Variants in SGCZ observed in about 807,000 individuals in gnomAD.
The protein encoded by SGCZ is zeta-sarcoglycan.
In SGCZ, 40 loss-of-function variants were observed where a neutral mutation model predicts 41.3. That is an observed-to-expected ratio of 0.97 (90% CI 0.75 to 1.26). The LOEUF (loss-of-function observed/expected upper bound fraction) is 1.26. Ranked by LOEUF, SGCZ falls within the 50% of genes most tolerant of loss-of-function variation. The pLI, the probability that SGCZ is intolerant of heterozygous loss-of-function variation, is 0.00. For synonymous variants in SGCZ, 206 were observed against 137.5 expected (o/e 1.50, Z -3.49); for missense variants, 552 against 369.8 (o/e 1.49, Z -4.04).
chr8:15,000,425 T>C (rs1259344784), intron 1 of SGCZ, among the ~76,000 whole-genome samples: 3 of 152,112 alleles, frequency 2.0e-5, no homozygotes, highest in Non-Finnish European at 2.9e-5. Flanking sequence ...GTTATGCGAG[T>C]CCTACATAAG....
intron 1 of SGCZ, among the ~76,000 whole-genome samples, chr8:14,681,961 A>G (rs944032537): frequency 2.9e-4 from 44 of 152,016 alleles, no homozygotes; most frequent in Admixed American, 1.9e-3. Context: ...TAAATAATCC[A>G]TAATAATAAT....
intron 1 of SGCZ, among the ~76,000 whole-genome samples, chr8:14,659,358 G>A (rs1000189992): frequency 6.6e-6 from 1 of 152,054 alleles, no homozygotes; most frequent in Non-Finnish European, 1.5e-5. Context: ...CCATAAGCAT[G>A]TACAATTATT....
At chr8:15,049,634 G>A (rs1257234440) in intron 1 of SGCZ, among the ~76,000 whole-genome samples, 2 of 152,142 alleles carry the variant, frequency 1.3e-5, no homozygotes, top group Admixed American at 6.6e-5. Flanking sequence ...GTTATGCAGT[G>A]CACACATGCT....
At chr8:14,393,530 C>T (rs1804862391) in intron 2 of SGCZ, among the ~76,000 whole-genome samples, 1 of 152,166 alleles carries the variant, frequency 6.6e-6, no homozygotes, top group Admixed American at 6.5e-5. Flanking sequence ...ATCTAACCAA[C>T]CTGTGAGCCC....
chr8:15,009,038 C>T (rs1025031766), intron 1 of SGCZ, among the ~76,000 whole-genome samples: 3 of 152,098 alleles, frequency 2.0e-5, no homozygotes, highest in Non-Finnish European at 4.4e-5. Context: ...AATTGTCCCT[C>T]CTGTAAATGA....
intron 1 of SGCZ, among the ~76,000 whole-genome samples, chr8:15,031,472 A>G (rs2130959082): frequency 6.6e-6 from 1 of 152,332 alleles, no homozygotes; most frequent in Non-Finnish European, 1.5e-5. Flanking sequence ...ATGATAGCTA[A>G]CATTTATTAA....
At chr8:14,741,333 T>G (rs1455204608) in intron 1 of SGCZ, among the ~76,000 whole-genome samples, 1 of 152,084 alleles carries the variant, frequency 6.6e-6, no homozygotes, top group Non-Finnish European at 1.5e-5. Context: ...AAGTGACTGA[T>G]TTTACTGTGT....
rs1023964190 is a variant in SGCZ, at chr8:14,348,514, G to A, written c.235-24310C>T. On this transcript the variant is annotated intron_variant, in intron 2 of 7. Transcript: ENST00000382080. ...ATATTCGTTCGTCTCTAATCCCATA[G>A]ATTGAAATGGTTTTGAATATAAATT... Among the ~76,000 whole-genome samples the A allele has an allele frequency of 3.3e-5, 5 of 152,052 alleles. 1 individual carries two copies.
In SGCZ at chr8:14,693,101, A is replaced by C. The variant is rs1317754894; in HGVS notation, c.40-138175T>G. Among the ~76,000 whole-genome samples the C allele has an allele frequency of 3.3e-5, 5 of 152,284 alleles. No individual in the cohort carries two copies. The South Asian group carries it at 1.0e-3, about 32-fold the overall frequency. Reference sequence around the variant, plus strand: ...TGTTAATAAAAAATTAAAAAGACACAGGTTTGTGGTGATTAAGTAAGATTA... The same window carrying C: ...TGTTAATAAAAAATTAAAAAGACACCGGTTTGTGGTGATTAAGTAAGATTA... On this transcript the variant is annotated intron_variant, in intron 1 of 7. Transcript: ENST00000382080.
intron 1 of SGCZ, among the ~76,000 whole-genome samples, chr8:14,605,411 C>T (rs932179878): frequency 3.3e-5 from 5 of 152,020 alleles, no homozygotes; most frequent in South Asian, 4.2e-4. Context: ...TACCAACAAT[C>T]GAATTACACT....
At chr8:15,173,516 A>G (rs1015514425) in intron 1 of SGCZ, among the ~76,000 whole-genome samples, 6 of 152,222 alleles carry the variant, frequency 3.9e-5, no homozygotes, top group African/African-American at 1.4e-4. Context: ...TGCATATTAA[A>G]TGGAGGAGTG....
intron 1 of SGCZ, among the ~76,000 whole-genome samples, chr8:15,145,465 G>A (rs1431600418): frequency 6.6e-6 from 1 of 152,024 alleles, no homozygotes; most frequent in Non-Finnish European, 1.5e-5. Context: ...TAGTATCTCG[G>A]AACTTCTGTC....
At chr8:14,814,725 C>CT (rs1305257516) in intron 1 of SGCZ, among the ~76,000 whole-genome samples, 7 of 152,272 alleles carry the variant, frequency 4.6e-5, no homozygotes, top group African/African-American at 1.7e-4. Flanking sequence ...TGACTTCTCT[C>CT]ATCACCAAAT....
At chr8:14,558,962 C>T (rs1048202276) in intron 1 of SGCZ, among the ~76,000 whole-genome samples, 1 of 151,898 alleles carries the variant, frequency 6.6e-6, no homozygotes, top group Non-Finnish European at 1.5e-5. Context: ...ACAAAACTGG[C>T]ACAGAAGGGA....
chr8:14,810,599 TA>T (rs1801709107), intron 1 of SGCZ, among the ~76,000 whole-genome samples: 1 of 152,064 alleles, frequency 6.6e-6, no homozygotes. Context: ...TGTTTTACAT[TA>T]TAAACTTAAA....
chr8:15,237,059 C>G (rs916419240), intron 1 of SGCZ, among the ~76,000 whole-genome samples: 1 of 152,188 alleles, frequency 6.6e-6, no homozygotes, highest in African/African-American at 2.4e-5. Context: ...AGGGGTCTCA[C>G]GAAGTTCTGG....
chr8:14,901,862 C>T (rs1798982603), intron 1 of SGCZ, among the ~76,000 whole-genome samples: 1 of 151,960 alleles, frequency 6.6e-6, no homozygotes, highest in African/African-American at 2.4e-5. Flanking sequence ...ACAGAATATC[C>T]TACATACATA....
chr8:14,630,380 T>C (rs1806606716), intron 1 of SGCZ, among the ~76,000 whole-genome samples: 1 of 151,964 alleles, frequency 6.6e-6, no homozygotes, highest in South Asian at 2.1e-4. Flanking sequence ...TTGGCTGCGA[T>C]GGAGAGGATG....
At chr8:15,058,666 A>C (rs1804803998) in intron 1 of SGCZ, among the ~76,000 whole-genome samples, 1 of 152,180 alleles carries the variant, frequency 6.6e-6, no homozygotes, top group Non-Finnish European at 1.5e-5. Flanking sequence ...TTTCTTGAGT[A>C]TGTCAACCCA....
Sources: allele counts gnomAD v4.1 joint callset (sites outside exome capture counted in the v4.1 genomes callset), GRCh38; gene constraint gnomAD v4.1.1; transcripts MANE v1.5; gene names NCBI Gene and HGNC (gene_info 2026-07-23, HGNC 2026-07-21).